TBRG4: variants seen among roughly 807,000 people sequenced by gnomAD.
TBRG4 encodes transforming growth factor beta regulator 4, also known as FAST kinase domain-containing protein 4.
Under a neutral mutation model 65.6 loss-of-function variants are expected in TBRG4, and 43 were observed. The observed-to-expected ratio is 0.66, with a 90% CI of 0.51 to 0.85. The LOEUF (loss-of-function observed/expected upper bound fraction) is 0.85. TBRG4 is among the 40% of genes least tolerant of loss of function. The pLI, the probability that TBRG4 is intolerant of heterozygous loss-of-function variation, is 0.00. For missense variants in TBRG4, 709 were observed against 787.9 expected, an observed-to-expected ratio of 0.90 and a Z score of 1.20; for synonymous variants, 366 against 341.4, an observed-to-expected ratio of 1.07 and a Z score of -0.79.
chr7:45,103,973 G>T, intron 5 of TBRG4, 126 bp downstream of exon 5: 1 of 1,306,964 alleles, frequency 7.7e-7, no homozygotes, highest in Non-Finnish European at 1.0e-6. Context: ...CAAAATGCAA[G>T]AAATATGTAT....
chr7:45,106,105 C>T (rs1784945560), intron 2 of TBRG4: 2 of 565,538 alleles, frequency 3.5e-6, no homozygotes, highest in Non-Finnish European at 6.9e-6. Context: ...CTGCCAAGCA[C>T]CTGCAGAGCC....
intron 2 of TBRG4, chr7:45,106,997 T>C (rs1187450548): frequency 2.0e-5 from 3 of 152,156 alleles, no homozygotes; most frequent in Non-Finnish European, 4.4e-5. Context: ...CACCCAAGCA[T>C]GCCAGACCCT....
At position 45,103,401 on chromosome 7, in the gene TBRG4, A is replaced by C; in HGVS notation, c.1108T>G (p.Cys370Gly). The C allele has an allele frequency of 1.9e-6, 3 of 1,614,082 alleles. No individual in the cohort carries two copies. Among genetic ancestry groups the C allele is most frequent in the Non-Finnish European group, 2.5e-6 (3 of 1,179,972 alleles). The change falls in exon 6 of 11, where the codon TGC becomes GGC. Residue 370 changes from cysteine (C) to glycine (G), a missense_variant. Cys to Gly is a radical substitution (Grantham distance 159, BLOSUM62 -3). Transcript: ENST00000258770. ...RAQDITLPHL[C>G]SVLLAFARLN... ...CGCGCAAAAGCCAGAAGTACGCTGC[A>C]CAGGTGGGGCAGGGTGATGTCCTGC...
intron 3 of TBRG4, 86 bp downstream of exon 3, chr7:45,105,355 C>G (rs1341419606): frequency 1.4e-6 from 2 of 1,421,394 alleles, no homozygotes; most frequent in Middle Eastern, 2.1e-4. Flanking sequence ...ACACAACGCA[C>G]CCCTCTGCAG....
rs770467753 is a variant in TBRG4 at position 45,102,318 on chromosome 7, T to C, written c.1321+29A>G. The C allele has an allele frequency of 1.4e-5, 22 of 1,613,468 alleles. No individual in the cohort carries two copies. In the East Asian group the frequency reaches 4.9e-4, roughly 36 times the overall value. On this transcript the variant is annotated intron_variant, in intron 7 of 10. Transcript: ENST00000258770. ...AGACAAGACCAGGCAGTTTCCCAGT[T>C]CCAGTAGTACTAGGGGCAGGGGGCT...
chr7:45,107,986 T>C (rs1785012867), intron 2 of TBRG4, among the ~76,000 whole-genome samples: 1 of 152,248 alleles, frequency 6.6e-6, no homozygotes, highest in African/African-American at 2.4e-5. Flanking sequence ...ATCCCCTTAC[T>C]ATATGTGATG....
At chr7:45,109,693 T>C (rs936850714) in intron 1 of TBRG4, among the ~76,000 whole-genome samples, 3 of 152,152 alleles carry the variant, frequency 2.0e-5, no homozygotes, top group African/African-American at 7.2e-5. Flanking sequence ...AATTACGGGC[T>C]TGGCCAGGCG....
At chr7:45,105,189 G>C (rs951140340) in intron 3 of TBRG4, 1 of 613,542 alleles carries the variant, frequency 1.6e-6, no homozygotes, top group Non-Finnish European at 2.9e-6. Context: ...AAAGATAAAG[G>C]TGCAATCAGG....
At chr7:45,110,007 C>A (rs1410286330) in intron 1 of TBRG4, among the ~76,000 whole-genome samples, 7 of 151,108 alleles carry the variant, frequency 4.6e-5, no homozygotes, top group African/African-American at 1.5e-4. Context: ...ATTCCCAAAG[C>A]CTCTGTGGAT....
rs779774483 is a variant in TBRG4, at chr7:45,102,417, A to G, written c.1251T>C (p.Cys417=). The G allele has an allele frequency of 3.7e-6, 6 of 1,613,958 alleles. No individual in the cohort carries two copies. Among genetic ancestry groups the G allele is most frequent in the Non-Finnish European group, 1.7e-6 (2 of 1,180,024 alleles). The change falls in exon 7 of 11, where the codon TGT becomes TGC. Residue 417 remains cysteine, a synonymous_variant. Transcript: ENST00000258770. ...ALQVDLVWAL[C]VLQQAREAEL... ...CTGCTTCCCGTGCCTGCTGCAGCACACACAGGGCCCACACCAGGTCCACCT... is the reference window on the plus strand; with the variant it reads ...CTGCTTCCCGTGCCTGCTGCAGCACGCACAGGGCCCACACCAGGTCCACCT...
rs565029475 is a variant in TBRG4, at chr7:45,100,894, C to T, written c.1794+364G>A. On this transcript the variant is annotated intron_variant, in intron 10 of 10. Transcript: ENST00000258770. ...GCCAGTTCCACTGGTCCTACTTTTC[C>T]TGACAACAGGCGCTGACCAAGGGGG... Among the ~76,000 whole-genome samples, 4 of 152,360 alleles carry T rather than the reference C, an allele frequency of 2.6e-5. No homozygotes were observed. In the South Asian group the frequency reaches 6.2e-4, roughly 24 times the overall value.
At chr7:45,110,038 T>C (rs1562938858) in intron 1 of TBRG4, among the ~76,000 whole-genome samples, 1 of 150,312 alleles carries the variant, frequency 6.7e-6, no homozygotes. Flanking sequence ...ACTGTAGACA[T>C]AGGTGTGAGC....
chr7:45,108,838 GCAGA>G lies in TBRG4; in HGVS notation c.396_399del (p.Leu133SerfsTer91). ...ACTCCGGCACCCACCTGACTGTTGA[GCAGA>G]CAGAGAAGTTGATGAAAGTGGGCAT... On this transcript the variant is annotated frameshift_variant, in exon 2 of 11. Coordinates refer to ENST00000258770, the MANE Select transcript of TBRG4 (RefSeq NM_004749.4). LOFTEE classifies it high-confidence loss of function. 1 of 1,535,676 alleles carries G rather than the reference GCAGA, an allele frequency of 6.5e-7. No individual in the cohort carries two copies.
At position 45,104,546 on chromosome 7, in the gene TBRG4, T is replaced by C. The variant is rs760836953; in HGVS notation, c.899A>G (p.Tyr300Cys). The C allele has an allele frequency of 5.6e-6, 9 of 1,613,952 alleles. No individual in the cohort carries two copies. The highest frequency in any genetic ancestry group is 1.7e-5 in the Admixed American group (1 of 60,030). Residue 300 changes from tyrosine (Y) to cysteine (C), a missense_variant, in exon 4 of 11, where the codon TAT becomes TGT. By Grantham distance (194) the Tyr-to-Cys change is radical. Transcript: ENST00000258770. ...CTGTCCAAAGGGCTCACCATAGGCA[T>C]AGGCCACGTCCAAGAGCACATCTTT... ...LTKDVLLDVA[Y>C]AYGKLSFHQT...
In TBRG4 at chr7:45,100,143, C is replaced by T. The variant is rs545595452; in HGVS notation, c.*182G>A. On this transcript the variant is annotated 3_prime_UTR_variant, in exon 11 of 11. Coordinates refer to ENST00000258770, the MANE Select transcript of TBRG4 (RefSeq NM_004749.4). ...CCAAGCCTGGGAAGGCCCCAGGGGT[C>T]CAACACCAAAATTAAAGGTTTATTA... The T allele has an allele frequency of 1.6e-5, 9 of 563,808 alleles. No homozygotes were observed. The African/African-American group carries it at 1.7e-4, about 11-fold the overall frequency. 34.9% of individuals were successfully genotyped at this position (563,808 alleles called of 1,614,324 possible). A position where few individuals can be genotyped will look rare whatever the true frequency, so the allele number is the denominator to read the frequency against.
At chr7:45,100,790 G>A (rs1243442094) in intron 10 of TBRG4, among the ~76,000 whole-genome samples, 1 of 152,242 alleles carries the variant, frequency 6.6e-6, no homozygotes, top group African/African-American at 2.4e-5. Context: ...CCCAGGGAAG[G>A]TGACCACCTT....
chr7:45,104,723 C>A lies in TBRG4; in HGVS notation c.736-14G>T. On this transcript the variant is annotated splice_polypyrimidine_tract_variant and intron_variant, in intron 3 of 10. Transcript: ENST00000258770. ...CAACTCCAGGCACTGTCAACCACAG[C>A]CGCGCAGAGGTCAGCTCAATGGCCT... The A allele has an allele frequency of 6.2e-7, 1 of 1,612,336 alleles. No individual in the cohort carries two copies. Among genetic ancestry groups the A allele is most frequent in the Non-Finnish European group, 8.5e-7 (1 of 1,179,228 alleles).
At position 45,101,286 on chromosome 7, in the gene TBRG4, ATG is replaced by A. The variant is rs1333116423; in HGVS notation, c.1764_1765del (p.Ile589SerfsTer14). Reference sequence around the variant, plus strand: ...CACTATCAGGAAGCCTGCAGCCACTATGTGTCGCCGGGCCAGAACAAAGCGAC... The same window carrying A: ...CACTATCAGGAAGCCTGCAGCCACTATGTCGCCGGGCCAGAACAAAGCGAC... On this transcript the variant is annotated frameshift_variant, in exon 10 of 11. Transcript: ENST00000258770. LOFTEE classifies it high-confidence loss of function. 2.5e-6 allele frequency: 4 copies of A among 1,613,660 alleles called. No individual in the cohort carries two copies. The highest frequency in any genetic ancestry group is 1.3e-5 in the African/African-American group (1 of 74,914).
chr7:45,102,220 G>A, intron 7 of TBRG4, 127 bp downstream of exon 7: 1 of 1,545,038 alleles, frequency 6.5e-7, no homozygotes, highest in Non-Finnish European at 8.8e-7. Context: ...CCACCTACAG[G>A]GAGAGGATGG....
Sources: allele counts gnomAD v4.1 joint callset (sites outside exome capture counted in the v4.1 genomes callset), GRCh38; gene constraint gnomAD v4.1.1; transcripts MANE v1.5; gene names NCBI Gene and HGNC (gene_info 2026-07-23, HGNC 2026-07-21).